The following AGRN variants were observed in gnomAD, a reference collection of about 807,000 sequenced individuals.
The protein encoded by AGRN is agrin, also known as agrin proteoglycan.
A neutral mutation model predicts 211.0 loss-of-function variants in AGRN; 106 were observed. The observed-to-expected ratio is 0.50, with a 90% CI of 0.43 to 0.59. The LOEUF (loss-of-function observed/expected upper bound fraction) is 0.59. Among genes scored for constraint, AGRN ranks in the 20% least tolerant of loss-of-function variants. The pLI is 0.00. For missense variants in AGRN, 3,040 were observed against 2,982.6 expected (o/e 1.02, Z -0.45); for synonymous variants, 1,525 against 1,332.5 (o/e 1.14, Z -3.15).
intron 7 of AGRN, 28 bp from the exon 8 acceptor site, chr1:1,043,211 G>T (rs1644993446): frequency 9.7e-6 from 15 of 1,544,820 alleles, no homozygotes; most frequent in Non-Finnish European, 1.3e-5. Context: ...GGGCTTGTGG[G>T]ACCACTGAGC....
rs748233230 is a variant in AGRN at position 1,054,832 on chromosome 1, C to T, written c.5989C>T (p.Pro1997Ser). 2.1e-5 allele frequency: 33 copies of T among 1,557,356 alleles called. No individual in the cohort carries two copies. Among genetic ancestry groups the T allele is most frequent in the African/African-American group, 2.7e-5 (2 of 73,600 alleles). Reference sequence around the variant, plus strand: ...CACTGTCTGTGCTGCAGGGGGCCTGCCGGAGCTGCCCGTGGGCCCAGCACT... The same window carrying T: ...CACTGTCTGTGCTGCAGGGGGCCTGTCGGAGCTGCCCGTGGGCCCAGCACT... ...TDGALWLGGLPELPVGPALPK... is the reference protein window; with the variant it reads ...TDGALWLGGLSELPVGPALPK... Residue 1997 changes from proline (P) to serine (S), a missense_variant, in exon 36 of 36, where the codon CCG becomes TCG. Pro to Ser is a moderately conservative substitution (Grantham distance 74). This residue lies in a region of AGRN where 1,537 missense variants were observed against 1,505.0 expected (regional missense o/e 1.02). Transcript: ENST00000379370.
rs962846289 is a variant in AGRN at position 1,045,824 on chromosome 1, G to T, written c.2628G>T (p.Lys876Asn). ...CSCKPGVAGP[K>N]CGQCPDGRAL... Reference sequence around the variant, plus strand: ...GTAAGCCCGGGGTGGCTGGACCCAAGTGTGGGCAGTGTCCAGACGGCCGTG... The same window carrying T: ...GTAAGCCCGGGGTGGCTGGACCCAATTGTGGGCAGTGTCCAGACGGCCGTG... The change falls in exon 15 of 36, where the codon AAG (lysine) becomes AAT (asparagine). Residue 876 changes from lysine to asparagine, a missense_variant. Physicochemically the swap from Lys to Asn is moderately conservative, Grantham distance 94. Coordinates refer to ENST00000379370, the MANE Select transcript of AGRN (RefSeq NM_198576.4). The T allele has an allele frequency of 1.2e-6, 2 of 1,612,556 alleles. No homozygotes were observed. Among genetic ancestry groups the T allele is most frequent in the African/African-American group, 2.7e-5 (2 of 74,914 alleles).
At chr1:1,030,767 A>G (rs111214177) in intron 2 of AGRN, among the ~76,000 whole-genome samples, 251 of 40,478 alleles carry the variant, frequency 6.2e-3, no homozygotes, top group Middle Eastern at 0.024. Context: ...TGAGATCAGC[A>G]TGTGTGTGTG....
At position 1,046,817 on chromosome 1, in the gene AGRN, C is replaced by T; in HGVS notation, c.3251-3C>T. On this transcript the variant is annotated splice_region_variant and splice_polypyrimidine_tract_variant and intron_variant, in intron 18 of 35. Transcript: ENST00000379370. ...AGCCTGGGCTCAGAGCGCGTCTCCC[C>T]AGGGCTCGAGCCCTTGGAGGGCAGC... The T allele has an allele frequency of 1.3e-6, 2 of 1,580,136 alleles. No homozygotes were observed. The highest frequency in any genetic ancestry group is 1.7e-6 in the Non-Finnish European group (2 of 1,167,392).
At chr1:1,051,956 C>T (rs1379635557) in intron 33 of AGRN, 141 bp downstream of exon 33, 23 of 1,548,236 alleles carry the variant, frequency 1.5e-5, no homozygotes, top group Non-Finnish European at 2.0e-5. Flanking sequence ...ACCTCCCGGT[C>T]CTCCCGCCTC....
At position 1,043,530 on chromosome 1, in the gene AGRN, C is replaced by T. The variant is rs772306459; in HGVS notation, c.1604-8C>T. 11 of 1,603,238 alleles carry T rather than the reference C, an allele frequency of 6.9e-6. No individual in the cohort carries two copies. Among genetic ancestry groups the T allele is most frequent in the Non-Finnish European group, 9.3e-6 (11 of 1,179,788 alleles). On this transcript the variant is annotated splice_polypyrimidine_tract_variant and splice_region_variant and intron_variant, in intron 8 of 35. Coordinates refer to ENST00000379370, the MANE Select transcript of AGRN (RefSeq NM_198576.4). ...CCTGGTCGCCTGGTGATGGAAGCTC[C>T]TCCCCAGACCGCTGCGGGCAGTGCC...
rs1192679345 is a variant in AGRN, at chr1:1,043,790, C to T, written c.1799-33C>T. On this transcript the variant is annotated intron_variant, in intron 9 of 35. Transcript: ENST00000379370. ...GTCCTGTGCCTCCCTCAGCCTGGGC[C>T]TGCCGACCCCTGCCTGGCTCTGTCT... 5 of 1,607,540 alleles carry T rather than the reference C, an allele frequency of 3.1e-6. No individual in the cohort carries two copies. The South Asian group carries it at 3.3e-5, about 11-fold the overall frequency.
At chr1:1,021,497 C>T (rs960740518) in intron 1 of AGRN, among the ~76,000 whole-genome samples, 3 of 152,236 alleles carry the variant, frequency 2.0e-5, no homozygotes, top group Admixed American at 1.3e-4. Flanking sequence ...GCAGCCCCAG[C>T]CCCCCAGATC....
rs57668569 is a variant in AGRN, at chr1:1,048,767, CAAAA to C, written c.4106-81_4106-78del. 9.0e-3 allele frequency: 9,692 copies of C among 1,074,472 alleles called. 262 individuals carry two copies. In the African/African-American group the frequency reaches 0.17, roughly 19 times the overall value. The allele number at this position is 1,074,472 out of a possible 1,614,324, so 66.6% of individuals were successfully genotyped here. A position where few individuals can be genotyped will look rare whatever the true frequency, so the allele number is the denominator to read the frequency against. ...GGGCAAAAAGAGCAAAACTCCGTCT[CAAAA>C]AAAAAAAAAAAAAAAAAAGCAGGGG... On this transcript the variant is annotated intron_variant, in intron 23 of 35. Transcript: ENST00000379370. This position sits in a 1 kb window ranked among gnomAD's most constrained non-coding sequence, Gnocchi z 5.9.
chr1:1,027,131 CCCT>C (rs1469649290), intron 2 of AGRN, among the ~76,000 whole-genome samples: 1 of 152,256 alleles, frequency 6.6e-6, no homozygotes, highest in African/African-American at 2.4e-5. Context: ...CCTCCCAGCC[CCCT>C]CCTCCTGCAG....
chr1:1,026,212 C>G (rs1644518255), intron 2 of AGRN, among the ~76,000 whole-genome samples: 2 of 152,182 alleles, frequency 1.3e-5, no homozygotes, highest in African/African-American at 4.8e-5. Context: ...TGTTTTGGAA[C>G]TGGGCTCGCT....
At chr1:1,026,868 CT>C (rs1644531761) in intron 2 of AGRN, among the ~76,000 whole-genome samples, 1 of 152,238 alleles carries the variant, frequency 6.6e-6, no homozygotes, top group East Asian at 1.9e-4. Flanking sequence ...CTCTGTACCC[CT>C]GCACCTCCTG....
intron 22 of AGRN, 30 bp from the exon 23 acceptor site, chr1:1,047,982 G>A (rs1427304130): frequency 1.3e-6 from 2 of 1,569,868 alleles, no homozygotes; most frequent in African/African-American, 2.7e-5. Context: ...CCTGCTCCCA[G>A]GAAACCCTAA....
chr1:1,049,083 G>GC (rs750730085), intron 24 of AGRN, 24 bp downstream of exon 24: 1 of 1,446,042 alleles, frequency 6.9e-7, no homozygotes, highest in South Asian at 1.3e-5. Context: ...GGACGGGGCC[G>GC]GGGCAGCTCA....
chr1:1,033,018 G>A (rs1050250565), intron 2 of AGRN, among the ~76,000 whole-genome samples: 3 of 152,050 alleles, frequency 2.0e-5, no homozygotes, highest in Non-Finnish European at 4.4e-5. Context: ...CGGACTACGC[G>A]TCAGGAGTCC....
chr1:1,020,960 C>T (rs1280963473), intron 1 of AGRN, among the ~76,000 whole-genome samples: 1 of 152,018 alleles, frequency 6.6e-6, no homozygotes, highest in Non-Finnish European at 1.5e-5. Context: ...GGCTCCCCAC[C>T]CCGGGGAGGG....
intron 2 of AGRN, among the ~76,000 whole-genome samples, chr1:1,024,055 C>T (rs971142121): frequency 6.6e-6 from 1 of 152,082 alleles, no homozygotes; most frequent in South Asian, 2.1e-4. Flanking sequence ...AGGGGCCTTG[C>T]AGGTGAGCCA....
Position 1,044,106 on chromosome 1 carries a change from C to T in AGRN, c.2000-3C>T. ...TGGGTGACTCTGCTCCCCTTCCCCG[C>T]AGCCGAGTGCGGTTCCGGAGGCTCT... On this transcript the variant is annotated splice_polypyrimidine_tract_variant and splice_region_variant and intron_variant, in intron 10 of 35. Transcript: ENST00000379370. 1.2e-6 allele frequency: 2 copies of T among 1,613,280 alleles called. No homozygotes were observed.
In AGRN at chr1:1,042,060, G is replaced by T. The variant is rs566439735; in HGVS notation, c.1282G>T (p.Val428Leu). The change falls in exon 7 of 36, where the codon GTG becomes TTG. Residue 428 changes from valine to leucine, a missense_variant. By Grantham distance (32) the Val-to-Leu change is conservative (BLOSUM62 1). This residue lies in a region of AGRN where 1,498 missense variants were observed against 1,457.8 expected (regional missense o/e 1.03). Coordinates refer to ENST00000379370, the MANE Select transcript of AGRN (RefSeq NM_198576.4). ...CACCTGTGACGGGGCCTACAGGCCC[G>T]TGTGTGCCCAGGACGGGCGCACGTA... ...RVTCDGAYRP[V>L]CAQDGRTYDS... is the part of the protein sequence containing the mutation. 1.9e-6 allele frequency: 3 copies of T among 1,607,840 alleles called. No individual in the cohort carries two copies. Among genetic ancestry groups the T allele is most frequent in the Non-Finnish European group, 2.5e-6 (3 of 1,179,500 alleles).
Sources: gnomAD v4.1 joint callset for allele counts (sites outside exome capture counted in the v4.1 genomes callset) on GRCh38, gnomAD v4.1.1 for gene constraint, gnomAD v4.1.1 regional missense constraint, Gnocchi (gnomAD v3.1) non-coding constraint, MANE v1.5 for transcripts, NCBI Gene and HGNC (gene_info 2026-07-23, HGNC 2026-07-21) for gene names.